NHLRC1: variants seen among roughly 807,000 people sequenced by gnomAD.
NHLRC1 encodes the protein E3 ubiquitin-protein ligase NHLRC1.
In NHLRC1, 10 loss-of-function variants were observed where a neutral mutation model predicts 14.6. The observed-to-expected ratio is 0.69, with a 90% CI of 0.42 to 1.17. The LOEUF is 1.17. Ranked by LOEUF, NHLRC1 falls within the 50% of genes most tolerant of loss-of-function variation. The pLI is 0.00. For synonymous variants in NHLRC1, 231 were observed against 224.0 expected, an observed-to-expected ratio of 1.03 and a Z score of -0.28; for missense variants, 526 against 522.9, an observed-to-expected ratio of 1.01 and a Z score of -0.06.
Position 18,121,486 on chromosome 6 carries a change from T to C in NHLRC1, c.1121A>G (p.Glu374Gly), listed in dbSNP as rs1783731882. Reference sequence around the variant, plus strand: ...TGTGTCCAGCACAAGAAGAGAATTCTCCTTGGTGAAGGTAAGAGCCACAGG... The same window carrying C: ...TGTGTCCAGCACAAGAAGAGAATTCCCCTTGGTGAAGGTAAGAGCCACAGG... The part of the protein sequence containing the change: ...SHPVALTFTK[E>G]NSLLVLDTAS... Residue 374 changes from glutamate (E) to glycine (G), a missense_variant, in exon 1 of 1, where the codon GAG (glutamate) becomes GGG (glycine). By Grantham distance (98) the Glu-to-Gly change is moderately conservative. Transcript: ENST00000340650. This position sits in a 1 kb window ranked among gnomAD's most constrained non-coding sequence, Gnocchi z 4.7. 6.2e-7 allele frequency: 1 copy of C among 1,614,142 alleles called. No individual in the cohort carries two copies. The highest frequency in any genetic ancestry group is 1.3e-5 in the African/African-American group (1 of 75,022).
At position 18,122,430 on chromosome 6, in the gene NHLRC1, C is replaced by G; in HGVS notation, c.177G>C (p.Ala59=). The G allele has an allele frequency of 6.3e-7, 1 of 1,591,582 alleles. No individual in the cohort carries two copies. Among genetic ancestry groups the G allele is most frequent in the Non-Finnish European group, 8.5e-7 (1 of 1,176,972 alleles). The part of the protein sequence containing the change: ...VVCLACVAAL[A]HPRTLALECP... ...ACTCGAGGGCCAGAGTGCGCGGGTG[C>G]GCCAGGGCGGCCACGCAGGCCAGGC... Residue 59 remains alanine (A), a synonymous_variant, in exon 1 of 1, where the codon GCG becomes GCC. Transcript: ENST00000340650.
chr6:18,122,581 C>T lies in NHLRC1; in HGVS notation c.26G>A (p.Gly9Glu), dbSNP rs1193160309. The change falls in exon 1 of 1, where the codon GGG becomes GAG. Residue 9 changes from glycine to glutamate, a missense_variant. Coordinates refer to ENST00000340650, the MANE Select transcript of NHLRC1 (RefSeq NM_198586.3). ...GCGCATGAGCTCATGCAGCGCTGGC[C>T]CGCTCTCCGAGGCTTCGGCCGCCAT... MAAEASES[G>E]PALHELMREA... 1.3e-6 allele frequency: 2 copies of T among 1,596,402 alleles called. No homozygotes were observed.
chr6:18,122,368 G>C lies in NHLRC1; in HGVS notation c.239C>G (p.Thr80Ser). Residue 80 changes from threonine (T) to serine (S), a missense_variant, in exon 1 of 1, where the codon ACC (threonine) becomes AGC (serine). Transcript: ENST00000340650. ...GTGCAGCACCGGCAGGCAGTCGCTG[G>C]TGTCGCAGCCCCGGCAAGCTCGCCT... ...FCRRACRGCD[T>S]SDCLPVLHLI... 6.4e-7 allele frequency: 1 copy of C among 1,573,826 alleles called. No homozygotes were observed. Among genetic ancestry groups the C allele is most frequent in the Non-Finnish European group, 8.6e-7 (1 of 1,168,028 alleles).
Position 18,122,408 on chromosome 6 carries a change from C to G in NHLRC1, c.199G>C (p.Glu67Gln), listed in dbSNP as rs779507031. The change falls in exon 1 of 1, where the codon GAG (glutamate) becomes CAG (glutamine). Residue 67 changes from glutamate (E) to glutamine (Q), a missense_variant. Coordinates refer to ENST00000340650, the MANE Select transcript of NHLRC1 (RefSeq NM_198586.3). ...ALAHPRTLAL[E>Q]CPFCRRACRG... Reference sequence around the variant, plus strand: ...CAAGCTCGCCTGCAGAATGGGCACTCGAGGGCCAGAGTGCGCGGGTGCGCC... The same window carrying G: ...CAAGCTCGCCTGCAGAATGGGCACTGGAGGGCCAGAGTGCGCGGGTGCGCC... 2 of 1,586,508 alleles carry G rather than the reference C, an allele frequency of 1.3e-6. No individual in the cohort carries two copies. Among genetic ancestry groups the G allele is most frequent in the South Asian group, 1.1e-5 (1 of 90,096 alleles).
In NHLRC1 at chr6:18,121,860, C is replaced by G. The variant is rs1582029822; in HGVS notation, c.747G>C (p.Gly249=). 2 of 1,614,100 alleles carry G rather than the reference C, an allele frequency of 1.2e-6. No individual in the cohort carries two copies. ...LHLLDVDFAE[G]VLRRTERLQA... ...GCAACCTTTCAGTTCTCCGAAGGACCCCTTCCGCGAAGTCGACGTCCAGGA... is the reference window on the plus strand; with the variant it reads ...GCAACCTTTCAGTTCTCCGAAGGACGCCTTCCGCGAAGTCGACGTCCAGGA... Residue 249 remains glycine, a synonymous_variant, in exon 1 of 1, where the codon GGG becomes GGC. Coordinates refer to ENST00000340650, the MANE Select transcript of NHLRC1 (RefSeq NM_198586.3). The surrounding 1 kb of genome is among the most constrained non-coding windows in gnomAD (Gnocchi z 4.7).
In NHLRC1 at chr6:18,121,480, G is replaced by T. The variant is rs865887763; in HGVS notation, c.1127C>A (p.Ser376Tyr). Reference sequence around the variant, plus strand: ...AGATGCTGTGTCCAGCACAAGAAGAGAATTCTCCTTGGTGAAGGTAAGAGC... The same window carrying T: ...AGATGCTGTGTCCAGCACAAGAAGATAATTCTCCTTGGTGAAGGTAAGAGC... ...PVALTFTKENSLLVLDTASHS... is the reference protein window; with the variant it reads ...PVALTFTKENYLLVLDTASHS... The change falls in exon 1 of 1, where the codon TCT becomes TAT. Residue 376 changes from serine (S) to tyrosine (Y), a missense_variant. Coordinates refer to ENST00000340650, the MANE Select transcript of NHLRC1 (RefSeq NM_198586.3). The surrounding 1 kb of genome is among the most constrained non-coding windows in gnomAD (Gnocchi z 4.7). The T allele has an allele frequency of 6.2e-7, 1 of 1,614,172 alleles. No individual in the cohort carries two copies. The highest frequency in any genetic ancestry group is 8.5e-7 in the Non-Finnish European group (1 of 1,180,044).
rs745652384 is a variant in NHLRC1 at position 18,121,732 on chromosome 6, G to A, written c.875C>T (p.Thr292Ile). 18 of 1,614,028 alleles carry A rather than the reference G, an allele frequency of 1.1e-5. No individual in the cohort carries two copies. In the South Asian group the frequency reaches 1.6e-4, roughly 15 times the overall value. The change falls in exon 1 of 1, where the codon ACC (threonine) becomes ATC (isoleucine). Residue 292 changes from threonine (T) to isoleucine (I), a missense_variant. Physicochemically the swap from Thr to Ile is moderately conservative, Grantham distance 89 (BLOSUM62 -1). Coordinates refer to ENST00000340650, the MANE Select transcript of NHLRC1 (RefSeq NM_198586.3). The surrounding 1 kb of genome is among the most constrained non-coding windows in gnomAD (Gnocchi z 4.7). ...PLALGTGVCS[T>I]RVKVFSSSMQ... The stretch of plus-strand genomic sequence containing the variant: ...ACTTGAGCTAAACACTTTCACCCTG[G>A]TGCTGCAAACCCCAGTCCCCAGGGC...
In NHLRC1 at chr6:18,122,073, C is replaced by T. The variant is rs1174533098; in HGVS notation, c.534G>A (p.Val178=). ...GGCAGTCGTTGGTGATGGTGACATC[C>T]ACAGGGTACCTAATGTCTTGGGCAG... The part of the protein sequence containing the change: ...GDAAQDIRYP[V]DVTITNDCHV... The change falls in exon 1 of 1, where the codon GTG becomes GTA. Residue 178 remains valine (V), a synonymous_variant. Coordinates refer to ENST00000340650, the MANE Select transcript of NHLRC1 (RefSeq NM_198586.3). The T allele has an allele frequency of 6.2e-7, 1 of 1,614,188 alleles. No individual in the cohort carries two copies. Among genetic ancestry groups the T allele is most frequent in the Non-Finnish European group, 8.5e-7 (1 of 1,180,032 alleles).
rs769497255 is a variant in NHLRC1, at chr6:18,122,297, G to A, written c.310C>T (p.His104Tyr). ...GSALRQSPAA[H>Y]RAAPSAPGAL... ...CCGGGGGCGCTGGGGGCGGCGCGAT[G>A]GGCGGCCGGGGACTGGCGAAGCGCT... Residue 104 changes from histidine to tyrosine, a missense_variant, in exon 1 of 1, where the codon CAT (histidine) becomes TAT (tyrosine). By Grantham distance (83) the His-to-Tyr change is moderately conservative. Coordinates refer to ENST00000340650, the MANE Select transcript of NHLRC1 (RefSeq NM_198586.3). 2 of 1,592,406 alleles carry A rather than the reference G, an allele frequency of 1.3e-6. No individual in the cohort carries two copies. The highest frequency in any genetic ancestry group is 1.7e-6 in the Non-Finnish European group (2 of 1,176,026).
rs1176094947 is a variant in NHLRC1, at chr6:18,120,485, A to C, written c.*934T>G. On this transcript the variant is annotated 3_prime_UTR_variant, in exon 1 of 1. Coordinates refer to ENST00000340650, the MANE Select transcript of NHLRC1 (RefSeq NM_198586.3). Reference sequence around the variant, plus strand: ...TAGTGGAGAAGATATAGGCGTTAAAAGACATGTTTACTTTTTTAATAAGCA... The same window carrying C: ...TAGTGGAGAAGATATAGGCGTTAAACGACATGTTTACTTTTTTAATAAGCA... The C allele has an allele frequency of 6.6e-6, 1 of 152,244 alleles. No homozygotes were observed. The highest frequency in any genetic ancestry group is 1.9e-4 in the East Asian group (1 of 5,204). 9.4% of individuals were successfully genotyped at this position (152,244 alleles called of 1,614,324 possible).
chr6:18,122,219 T>G lies in NHLRC1; in HGVS notation c.388A>C (p.Thr130Pro). ...FGGWGTLVNP[T>P]GLALCPKTGR... Reference sequence around the variant, plus strand: ...GTCTTGGGACAAAGCGCCAGTCCGGTGGGGTTGACCAGGGTCCCCCAGCCG... The same window carrying G: ...GTCTTGGGACAAAGCGCCAGTCCGGGGGGGTTGACCAGGGTCCCCCAGCCG... The change falls in exon 1 of 1, where the codon ACC becomes CCC. Residue 130 changes from threonine to proline, a missense_variant. By Grantham distance (38) the Thr-to-Pro change is conservative (BLOSUM62 -1). Coordinates refer to ENST00000340650, the MANE Select transcript of NHLRC1 (RefSeq NM_198586.3). The G allele has an allele frequency of 3.7e-6, 6 of 1,612,666 alleles. No individual in the cohort carries two copies. The highest frequency in any genetic ancestry group is 5.1e-6 in the Non-Finnish European group (6 of 1,179,988).
At position 18,122,376 on chromosome 6, in the gene NHLRC1, GC is replaced by G; in HGVS notation, c.230del (p.Gly77AlafsTer14). On this transcript the variant is annotated frameshift_variant, in exon 1 of 1. Coordinates refer to ENST00000340650, the MANE Select transcript of NHLRC1 (RefSeq NM_198586.3). LOFTEE classifies it high-confidence loss of function. ...CCGGCAGGCAGTCGCTGGTGTCGCAGCCCCGGCAAGCTCGCCTGCAGAATGG... is the reference window on the plus strand; with the variant it reads ...CCGGCAGGCAGTCGCTGGTGTCGCAGCCCGGCAAGCTCGCCTGCAGAATGG... ...ECPFCRRACR[G>X]CDTSDCLPVL... The G allele has an allele frequency of 6.4e-7, 1 of 1,574,424 alleles. No individual in the cohort carries two copies. Among genetic ancestry groups the G allele is most frequent in the Non-Finnish European group, 8.6e-7 (1 of 1,168,420 alleles).
chr6:18,122,003 C>G lies in NHLRC1; in HGVS notation c.604G>C (p.Asp202His). Residue 202 changes from aspartate (D) to histidine (H), a missense_variant, in exon 1 of 1, where the codon GAT becomes CAT. By Grantham distance (81) the Asp-to-His change is moderately conservative. Transcript: ENST00000340650. ...ACAAGCTTGATCTGGCCAAAAAAAT[C>G]AAACACTTTGATGGAGCGATCGCCG... ...DAGDRSIKVFDFFGQIKLVIG... is the reference protein window; with the variant it reads ...DAGDRSIKVFHFFGQIKLVIG... 6.2e-7 allele frequency: 1 copy of G among 1,614,208 alleles called. No homozygotes were observed. The highest frequency in any genetic ancestry group is 1.1e-5 in the South Asian group (1 of 91,086).
chr6:18,121,867 G>C lies in NHLRC1; in HGVS notation c.740C>G (p.Ala247Gly). Residue 247 changes from alanine (A) to glycine (G), a missense_variant, in exon 1 of 1, where the codon GCG (alanine) becomes GGG (glycine). By Grantham distance (60) the Ala-to-Gly change is moderately conservative. Coordinates refer to ENST00000340650, the MANE Select transcript of NHLRC1 (RefSeq NM_198586.3). This position sits in a 1 kb window ranked among gnomAD's most constrained non-coding sequence, Gnocchi z 4.7. Reference protein sequence around the residue: ...GSLHLLDVDFAEGVLRRTERL... With the variant: ...GSLHLLDVDFGEGVLRRTERL... ...TTCAGTTCTCCGAAGGACCCCTTCC[G>C]CGAAGTCGACGTCCAGGAGGTGCAG... 6.2e-7 allele frequency: 1 copy of C among 1,614,100 alleles called. No homozygotes were observed. The highest frequency in any genetic ancestry group is 8.5e-7 in the Non-Finnish European group (1 of 1,180,046).
At position 18,122,386 on chromosome 6, in the gene NHLRC1, G is replaced by A; in HGVS notation, c.221C>T (p.Ala74Val). ...LALECPFCRRACRGCDTSDCL... is the reference protein window; with the variant it reads ...LALECPFCRRVCRGCDTSDCL... The stretch of plus-strand genomic sequence containing the variant: ...GTCGCTGGTGTCGCAGCCCCGGCAA[G>A]CTCGCCTGCAGAATGGGCACTCGAG... Residue 74 changes from alanine (A) to valine (V), a missense_variant, in exon 1 of 1, where the codon GCT (alanine) becomes GTT (valine). Physicochemically the swap from Ala to Val is moderately conservative, Grantham distance 64. Transcript: ENST00000340650. 6.3e-7 allele frequency: 1 copy of A among 1,578,460 alleles called. No individual in the cohort carries two copies. Among genetic ancestry groups the A allele is most frequent in the East Asian group, 2.3e-5 (1 of 44,100 alleles).
rs772460190 is a variant in NHLRC1, at chr6:18,121,398, C to T, written c.*21G>A. The T allele has an allele frequency of 3.3e-5, 52 of 1,585,310 alleles. No homozygotes were observed. The highest frequency in any genetic ancestry group is 4.2e-5 in the Non-Finnish European group (48 of 1,154,246). ...AATGGCAGCACTAGTGCTTCTGATTCCAGGGACCCACCCCAGCCCATCACC... is the reference window on the plus strand; with the variant it reads ...AATGGCAGCACTAGTGCTTCTGATTTCAGGGACCCACCCCAGCCCATCACC... On this transcript the variant is annotated 3_prime_UTR_variant, in exon 1 of 1. Coordinates refer to ENST00000340650, the MANE Select transcript of NHLRC1 (RefSeq NM_198586.3). The surrounding 1 kb of genome is among the most constrained non-coding windows in gnomAD (Gnocchi z 4.7).
chr6:18,121,125 A>G lies in NHLRC1; in HGVS notation c.*294T>C. ...GTTGAAACTGTAGTGAGCTGTGATC[A>G]TGCTTCTGCACTCCAGCCTGGGTGA... On this transcript the variant is annotated 3_prime_UTR_variant, in exon 1 of 1. Transcript: ENST00000340650. The surrounding 1 kb of genome is among the most constrained non-coding windows in gnomAD (Gnocchi z 4.7). The G allele has an allele frequency of 7.1e-6, 3 of 420,082 alleles. No individual in the cohort carries two copies. Among genetic ancestry groups the G allele is most frequent in the Non-Finnish European group, 1.3e-5 (3 of 226,824 alleles). 26.0% of individuals were successfully genotyped at this position (420,082 alleles called of 1,614,324 possible).
At position 18,121,205 on chromosome 6, in the gene NHLRC1, T is replaced by C. The variant is rs1783726457; in HGVS notation, c.*214A>G. Reference sequence around the variant, plus strand: ...AAATTACCTCACTGGATAGTACAGATTAAATAAGCTAATATTTGCAAATTT... The same window carrying C: ...AAATTACCTCACTGGATAGTACAGACTAAATAAGCTAATATTTGCAAATTT... On this transcript the variant is annotated 3_prime_UTR_variant, in exon 1 of 1. Transcript: ENST00000340650. This position sits in a 1 kb window ranked among gnomAD's most constrained non-coding sequence, Gnocchi z 4.7. 1 of 587,134 alleles carries C rather than the reference T, an allele frequency of 1.7e-6. No individual in the cohort carries two copies. The highest frequency in any genetic ancestry group is 2.0e-5 in the South Asian group (1 of 50,242). 36.4% of individuals were successfully genotyped at this position (587,134 alleles called of 1,614,324 possible). A position where few individuals can be genotyped will look rare whatever the true frequency, so the allele number is the denominator to read the frequency against.
Position 18,121,597 on chromosome 6 carries a change from T to C in NHLRC1, c.1010A>G (p.Asp337Gly), listed in dbSNP as rs545172272. ...FDHQGNVIVA[D>G]TSGPAILCLG... ...GCAAAGGATAGCTGGACCAGATGTA[T>C]CTGCAACAATCACATTTCCCTGGTG... Residue 337 changes from aspartate to glycine, a missense_variant, in exon 1 of 1, where the codon GAT becomes GGT. Asp to Gly is a moderately conservative substitution (Grantham distance 94). Coordinates refer to ENST00000340650, the MANE Select transcript of NHLRC1 (RefSeq NM_198586.3). The surrounding 1 kb of genome is among the most constrained non-coding windows in gnomAD (Gnocchi z 4.7). 1 of 1,614,238 alleles carries C rather than the reference T, an allele frequency of 6.2e-7. No individual in the cohort carries two copies. Among genetic ancestry groups the C allele is most frequent in the Admixed American group, 1.7e-5 (1 of 60,032 alleles).
Sources: gnomAD v4.1 joint callset for allele counts on GRCh38, gnomAD v4.1.1 for gene constraint, Gnocchi (gnomAD v3.1) non-coding constraint, MANE v1.5 for transcripts, NCBI Gene and HGNC (gene_info 2026-07-23, HGNC 2026-07-21) for gene names.